The following ATP11C variants were observed in gnomAD, a reference collection of about 807,000 sequenced individuals.
The protein encoded by ATP11C is ATPase phospholipid transporting 11C (ATP11C blood group), also known as phospholipid-transporting ATPase IG.
Under a neutral mutation model 97.4 loss-of-function variants are expected in ATP11C, and 36 were observed. That is an observed-to-expected ratio of 0.37 (90% confidence interval 0.28 to 0.49). The LOEUF is 0.49. ATP11C is among the 20% of genes least tolerant of loss of function. The pLI is 0.98. For synonymous variants in ATP11C, 275 were observed against 290.9 expected (o/e 0.95, Z 0.56); for missense variants, 730 against 824.6 (o/e 0.89, Z 1.40).
At chrX:139,846,630 G>A (rs2083912556) in intron 1 of ATP11C, among the ~76,000 whole-genome samples, 2 of 111,472 alleles carry the variant, frequency 1.8e-5, no homozygotes, top group African/African-American at 3.3e-5. Flanking sequence ...AAACGCTTTC[G>A]TTCACTCCTA....
At chrX:139,891,195 G>A (rs1384804858) in intron 1 of ATP11C, among the ~76,000 whole-genome samples, 2 of 66,973 alleles carry the variant, frequency 3.0e-5, no homozygotes, top group African/African-American at 5.4e-5. Flanking sequence ...TCAGAGATTG[G>A]CCAAAAAAAA....
Position 139,741,071 on chromosome X carries a change from C to A in ATP11C, c.3054G>T (p.Trp1018Cys). The A allele has an allele frequency of 8.3e-7, 1 of 1,203,303 alleles. No homozygotes were observed. The highest frequency in any genetic ancestry group is 1.1e-6 in the Non-Finnish European group (1 of 888,680). ...AAATCACAAAGTGATTTATCCACGT[C>A]CAGAATCGGGTATCCAAGGCAAGCT... ...TLKLALDTRF[W>C]TWINHFVIWG... The change falls in exon 27 of 30, where the codon TGG (tryptophan) becomes TGT (cysteine). Residue 1018 changes from tryptophan to cysteine, a missense_variant. Physicochemically the swap from Trp to Cys is radical, Grantham distance 215. Transcript: ENST00000682941.
At position 139,856,779 on chromosome X, in the gene ATP11C, G is replaced by A. The variant is rs190678974; in HGVS notation, c.28-29956C>T. Reference sequence around the variant, plus strand: ...TAAACTACATCTATTACAACCAACAGTGATTTATTAACTACACTAGAGATG... The same window carrying A: ...TAAACTACATCTATTACAACCAACAATGATTTATTAACTACACTAGAGATG... On this transcript the variant is annotated intron_variant, in intron 1 of 29. Coordinates refer to ENST00000682941, the MANE Select transcript of ATP11C (RefSeq NM_001353812.2). Among the ~76,000 whole-genome samples the A allele has an allele frequency of 2.7e-5, 3 of 109,115 alleles. No individual in the cohort carries two copies. The East Asian group carries it at 8.4e-4, about 31-fold the overall frequency. The allele number at this position is 109,115 out of a possible 115,157, so 94.8% of individuals were successfully genotyped here. A position where few individuals can be genotyped will look rare whatever the true frequency, so the allele number is the denominator to read the frequency against.
chrX:139,898,119 T>C (rs1231053466), intron 1 of ATP11C, among the ~76,000 whole-genome samples: 1 of 111,431 alleles, frequency 9.0e-6, no homozygotes, highest in Non-Finnish European at 1.9e-5. Flanking sequence ...TGATGATTTC[T>C]AGGAATGAAC....
intron 1 of ATP11C, among the ~76,000 whole-genome samples, chrX:139,868,839 T>C (rs1393069926): frequency 9.0e-6 from 1 of 110,775 alleles, no homozygotes; most frequent in Non-Finnish European, 1.9e-5. Flanking sequence ...AAAAAAGACA[T>C]ACAATGGCCA....
rs529524457 is a variant in ATP11C at position 139,731,003 on chromosome X, G to A, written c.*3+648C>T. ...ATTATAAAGCATTTTATATCATTAG[G>A]CAAGCATCCCCCTGAATGGCTATGA... On this transcript the variant is annotated intron_variant, in intron 29 of 29. Coordinates refer to ENST00000682941, the MANE Select transcript of ATP11C (RefSeq NM_001353812.2). Among the ~76,000 whole-genome samples, 31 of 111,398 alleles carry A rather than the reference G, an allele frequency of 2.8e-4. No individual in the cohort carries two copies. In the South Asian group the frequency reaches 0.012, roughly 42 times the overall value.
At chrX:139,798,165 G>T in intron 10 of ATP11C, 108 bp downstream of exon 10, 1 of 648,419 alleles carries the variant, frequency 1.5e-6, no homozygotes, top group Non-Finnish European at 2.4e-6. Flanking sequence ...TAAAATTGTA[G>T]TTGCTATTAT....
chrX:139,731,671 C>T lies in ATP11C; in HGVS notation c.3373G>A (p.Glu1125Lys), dbSNP rs959304549. ...RPLLLRTFSDESNVL is the reference protein window; with the variant it reads ...RPLLLRTFSDKSNVL Reference sequence around the variant, plus strand: ...GGTACCTGTTACAATACATTAGATTCGTCTGAGAATGTTCGTAAAAGAAGA... The same window carrying T: ...GGTACCTGTTACAATACATTAGATTTGTCTGAGAATGTTCGTAAAAGAAGA... Residue 1125 changes from glutamate (E) to lysine (K), a missense_variant, in exon 29 of 30, where the codon GAA becomes AAA. Transcript: ENST00000682941. The T allele has an allele frequency of 1.7e-6, 2 of 1,187,200 alleles. No individual in the cohort carries two copies. Among genetic ancestry groups the T allele is most frequent in the Non-Finnish European group, 2.3e-6 (2 of 879,352 alleles).
At chrX:139,826,044 C>T (rs890937325) in intron 2 of ATP11C, among the ~76,000 whole-genome samples, 2 of 112,059 alleles carry the variant, frequency 1.8e-5, no homozygotes, top group Non-Finnish European at 3.8e-5. Flanking sequence ...GGTGACACAA[C>T]TAGTAAGTGG....
intron 1 of ATP11C, 145 bp downstream of exon 1, chrX:139,931,871 C>A (rs910379087): frequency 6.6e-6 from 5 of 761,952 alleles, no homozygotes; most frequent in African/African-American, 2.2e-5. Flanking sequence ...GCCTGGGCAC[C>A]GTGTTTCGGT....
At chrX:139,935,015 A>T (rs1490654876), upstream of ATP11C, among the ~76,000 whole-genome samples, 6 of 112,052 alleles carry the variant, frequency 5.4e-5, no homozygotes, top group Non-Finnish European at 1.1e-4. Context: ...ACCAAAATAC[A>T]TCCTTATCAA....
chrX:139,922,549 G>A, intron 1 of ATP11C, among the ~76,000 whole-genome samples: 1 of 108,310 alleles, frequency 9.2e-6, no homozygotes, highest in Non-Finnish European at 1.9e-5. Context: ...TGAGGCATCT[G>A]ACAGGTGATC....
At chrX:139,925,368 C>G (rs1171507543) in intron 1 of ATP11C, among the ~76,000 whole-genome samples, 3 of 110,011 alleles carry the variant, frequency 2.7e-5, no homozygotes, top group African/African-American at 9.9e-5. Context: ...TCAGTGCAAC[C>G]TCTGCCTCCC....
intron 1 of ATP11C, among the ~76,000 whole-genome samples, chrX:139,890,293 G>T (rs755869590): frequency 3.6e-5 from 4 of 111,056 alleles, no homozygotes; most frequent in African/African-American, 6.6e-5. Flanking sequence ...CACTTTGGGA[G>T]GCCGAGGCAG....
chrX:139,760,858 A>C (rs1032454107), intron 22 of ATP11C, among the ~76,000 whole-genome samples: 1 of 112,369 alleles, frequency 8.9e-6, no homozygotes, highest in Non-Finnish European at 1.9e-5. Context: ...GCAAAGTGCA[A>C]AGCAATATGT....
chrX:139,925,191 G>A (rs943957548), intron 1 of ATP11C, among the ~76,000 whole-genome samples: 7 of 112,057 alleles, frequency 6.2e-5, no homozygotes, highest in African/African-American at 2.3e-4. Flanking sequence ...AGAACCACTT[G>A]GAATGCTTGT....
At chrX:139,890,776 A>G (rs2084715547) in intron 1 of ATP11C, among the ~76,000 whole-genome samples, 1 of 111,640 alleles carries the variant, frequency 9.0e-6, no homozygotes, top group Non-Finnish European at 1.9e-5. Flanking sequence ...GGGTGTATAA[A>G]GTGCAACAGC....
chrX:139,777,128 G>A (rs948724785), intron 18 of ATP11C, among the ~76,000 whole-genome samples: 1 of 111,132 alleles, frequency 9.0e-6, no homozygotes, highest in African/African-American at 3.3e-5. Flanking sequence ...AAAAGCTGGG[G>A]TGTCTTGACA....
intron 1 of ATP11C, among the ~76,000 whole-genome samples, chrX:139,892,942 C>T (rs990631474): frequency 3.6e-5 from 4 of 111,785 alleles, no homozygotes. Context: ...AAAAGAGGTG[C>T]TCAAAAATAC....
Sources: allele counts gnomAD v4.1 joint callset (sites outside exome capture counted in the v4.1 genomes callset), GRCh38; gene constraint gnomAD v4.1.1; transcripts MANE v1.5; gene names NCBI Gene and HGNC (gene_info 2026-07-23, HGNC 2026-07-21).